The following RB1 variants were observed in gnomAD, a reference collection of about 807,000 sequenced individuals.
RB1 encodes the protein RB transcriptional corepressor 1, also known as retinoblastoma-associated protein.
RB1 carries 18 observed loss-of-function variants against 135.4 expected under a neutral mutation model. The ratio of observed to expected loss-of-function variants is 0.13; its 90% CI spans 0.09 to 0.20. The LOEUF is 0.20. Among genes scored for constraint, RB1 ranks in the 10% least tolerant of loss-of-function variants. The pLI, the probability that RB1 is intolerant of heterozygous loss-of-function variation, is 1.00. For synonymous variants in RB1, 365 were observed against 373.2 expected (o/e 0.98, Z 0.25); for missense variants, 868 against 1,110.0 (o/e 0.78, Z 3.10).
At chr13:48,386,354 C>A (rs1948571706) in intron 17 of RB1, among the ~76,000 whole-genome samples, 1 of 70,026 alleles carries the variant, frequency 1.4e-5, no homozygotes, top group Admixed American at 1.8e-4. Context: ...AGACTACAGA[C>A]CTGTATGGTA....
chr13:48,479,042 C>A (rs1391900673), intron 26 of RB1, among the ~76,000 whole-genome samples: 1 of 152,004 alleles, frequency 6.6e-6, no homozygotes, highest in African/African-American at 2.4e-5. Flanking sequence ...GCCTGGGCAA[C>A]ATAGCAAGAC....
rs1952680086 is a variant in RB1, at chr13:48,364,923, A to G, written c.891A>G (p.Ile297Met). Residue 297 changes from isoleucine to methionine, a missense_variant, in exon 9 of 27, where the codon ATA (isoleucine) becomes ATG (methionine). Physicochemically the swap from Ile to Met is conservative, Grantham distance 10. This residue lies in a region of RB1 where 641 missense variants were observed against 791.3 expected (regional missense o/e 0.81). Transcript: ENST00000267163. ...AAAATGTTTATTTCAAAAATTTTATACCTTTTATGAATTCTCTTGGACTTG... is the reference window on the plus strand; with the variant it reads ...AAAATGTTTATTTCAAAAATTTTATGCCTTTTATGAATTCTCTTGGACTTG... ...EVKNVYFKNF[I>M]PFMNSLGLVT... 2.6e-6 allele frequency: 4 copies of G among 1,565,706 alleles called. No homozygotes were observed. Among genetic ancestry groups the G allele is most frequent in the Non-Finnish European group, 2.6e-6 (3 of 1,151,536 alleles).
intron 23 of RB1, among the ~76,000 whole-genome samples, chr13:48,472,233 T>G (rs1343169397): frequency 1.3e-5 from 2 of 152,186 alleles, no homozygotes; most frequent in African/African-American, 4.8e-5. Flanking sequence ...TGTTGGCCTT[T>G]CAGAAAATAT....
intron 2 of RB1, among the ~76,000 whole-genome samples, chr13:48,321,934 T>G (rs1191527708): frequency 6.6e-6 from 1 of 152,198 alleles, no homozygotes; most frequent in Non-Finnish European, 1.5e-5. Flanking sequence ...TCTTGCTGAT[T>G]TTCTTGAGTT....
chr13:48,456,097 C>A, intron 18 of RB1, 107 bp from the exon 19 acceptor site: 1 of 1,539,746 alleles, frequency 6.5e-7, no homozygotes, highest in Non-Finnish European at 8.7e-7. Flanking sequence ...TGCTATAATA[C>A]CAATTAAATA....
chr13:48,328,573 G>A lies in RB1; in HGVS notation c.265-14026G>A, dbSNP rs1045957855. 2.4e-5 allele frequency: 16 copies of A among 662,650 alleles called. 1 individual carries two copies. The highest frequency in any genetic ancestry group is 8.2e-4 in the Middle Eastern group (2 of 2,442). The allele number at this position is 662,650 out of a possible 1,614,324, so 41.0% of individuals were successfully genotyped here. On this transcript the variant is annotated intron_variant, in intron 2 of 26. Coordinates refer to ENST00000267163, the MANE Select transcript of RB1 (RefSeq NM_000321.3). ...CTTCCCATCAGCCATTTCCCCCGCC[G>A]CATTGTTTTTTTAAGATTTCAGAAA...
At chr13:48,353,312 A>C (rs1952565097) in intron 6 of RB1, among the ~76,000 whole-genome samples, 1 of 152,172 alleles carries the variant, frequency 6.6e-6, no homozygotes, top group Admixed American at 6.5e-5. Context: ...GGCTTCTATA[A>C]GCAACTATAT....
intron 17 of RB1, among the ~76,000 whole-genome samples, chr13:48,397,268 G>A (rs1022418298): frequency 2.0e-5 from 3 of 152,148 alleles, no homozygotes; most frequent in African/African-American, 7.2e-5. Context: ...TGGTAGACTG[G>A]ATAAAGAAAA....
At position 48,344,736 on chromosome 13, in the gene RB1, T is replaced by C. The variant is rs570252584; in HGVS notation, c.381-344T>C. Among the ~76,000 whole-genome samples, 27 of 152,274 alleles carry C rather than the reference T, an allele frequency of 1.8e-4. No individual in the cohort carries two copies. In the South Asian group the frequency reaches 5.2e-3, roughly 29 times the overall value. On this transcript the variant is annotated intron_variant, in intron 3 of 26. Transcript: ENST00000267163. ...GTTACAAATATAGAAAGGGAAACACTAAAATGAAGCATATGGTTTTATATT... is the reference window on the plus strand; with the variant it reads ...GTTACAAATATAGAAAGGGAAACACCAAAATGAAGCATATGGTTTTATATT...
intron 17 of RB1, among the ~76,000 whole-genome samples, chr13:48,451,900 T>G (rs1346569499): frequency 6.6e-6 from 1 of 152,134 alleles, no homozygotes; most frequent in African/African-American, 2.4e-5. Context: ...TTTATGTGCA[T>G]AGAGGTGTTT....
chr13:48,396,930 C>A (rs1488345766), intron 17 of RB1, among the ~76,000 whole-genome samples: 2 of 152,160 alleles, frequency 1.3e-5, no homozygotes, highest in African/African-American at 4.8e-5. Context: ...AAATGCAAAT[C>A]AAAACCACAG....
At position 48,407,418 on chromosome 13, in the gene RB1, A is replaced by C. The variant is rs77863783; in HGVS notation, c.1695+25975A>C. Among the ~76,000 whole-genome samples, 81 of 152,292 alleles carry C rather than the reference A, an allele frequency of 5.3e-4. No individual in the cohort carries two copies. The East Asian group carries it at 0.015, about 28-fold the overall frequency. On this transcript the variant is annotated intron_variant, in intron 17 of 26. Coordinates refer to ENST00000267163, the MANE Select transcript of RB1 (RefSeq NM_000321.3). ...TTTAAGGTAATAAAAAAGAGAGAGA[A>C]GTTTGCCTGGTGTTAATCTCCTGTT...
chr13:48,479,935 C>T (rs1949527577), intron 26 of RB1, 63 bp from the exon 27 acceptor site: 1 of 1,314,556 alleles, frequency 7.6e-7, no homozygotes, highest in Admixed American at 1.7e-5. Flanking sequence ...ATATATATGG[C>T]AGCCACTTGC....
At chr13:48,359,848 T>C (rs959351400) in intron 6 of RB1, among the ~76,000 whole-genome samples, 169 bp from the exon 7 acceptor site, 2 of 151,264 alleles carry the variant, frequency 1.3e-5, no homozygotes, top group Non-Finnish European at 1.5e-5. Flanking sequence ...ATTTTATACC[T>C]TTTAAAACAG....
At chr13:48,347,738 A>T in intron 4 of RB1, 87 bp from the exon 5 acceptor site, 1 of 891,064 alleles carries the variant, frequency 1.1e-6, no homozygotes, top group Non-Finnish European at 1.8e-6. Flanking sequence ...TATACTTCTT[A>T]AAAGAAGATA....
chr13:48,422,737 G>A lies in RB1; in HGVS notation c.1696-30256G>A, dbSNP rs1323523984. On this transcript the variant is annotated intron_variant, in intron 17 of 26. Transcript: ENST00000267163. ...TTGAGCCTAGGAGGTTGAGACTGCA[G>A]TGAGCTTTGATTGTACCACTGCACT... The A allele has an allele frequency of 2.0e-5, 3 of 152,058 alleles. No homozygotes were observed. The East Asian group carries it at 5.8e-4, about 29-fold the overall frequency. 9.4% of individuals were successfully genotyped at this position (152,058 alleles called of 1,614,324 possible).
chr13:48,376,315 AC>A (rs1566197481), intron 12 of RB1, among the ~76,000 whole-genome samples: 1 of 152,154 alleles, frequency 6.6e-6, no homozygotes. Context: ...AGGCTGGTCA[AC>A]ATGGCAAAAC....
At chr13:48,311,496 G>A (rs1952130386) in intron 2 of RB1, among the ~76,000 whole-genome samples, 2 of 152,170 alleles carry the variant, frequency 1.3e-5, no homozygotes, top group Admixed American at 6.5e-5. Flanking sequence ...GTCTGCAAAT[G>A]TGTACAGCAT....
intron 17 of RB1, among the ~76,000 whole-genome samples, chr13:48,415,502 C>T (rs1948894015): frequency 6.6e-6 from 1 of 152,106 alleles, no homozygotes; most frequent in Admixed American, 6.5e-5. Flanking sequence ...TGGTCTTGAA[C>T]TCCTGACCTC....
Sources: allele counts gnomAD v4.1 joint callset (sites outside exome capture counted in the v4.1 genomes callset), GRCh38; gene constraint gnomAD v4.1.1; regional missense constraint gnomAD v4.1.1; transcripts MANE v1.5; gene names NCBI Gene and HGNC (gene_info 2026-07-23, HGNC 2026-07-21).